The following IKBKG variants were observed in gnomAD, a reference collection of about 807,000 sequenced individuals.
IKBKG encodes the protein inhibitor of nuclear factor kappa B kinase regulatory subunit gamma, also known as NF-kappa-B essential modulator.
A neutral mutation model predicts 13.7 loss-of-function variants in IKBKG; 2 were observed. The observed-to-expected ratio is 0.15, with a 90% confidence interval of 0.06 to 0.46. The LOEUF (loss-of-function observed/expected upper bound fraction) is 0.46, where lower values mean the gene tolerates loss of function less well. IKBKG is among the 20% of genes least tolerant of loss of function. The pLI, the probability that IKBKG is intolerant of heterozygous loss-of-function variation, is 0.98. For missense variants in IKBKG, 53 were observed against 150.3 expected, an observed-to-expected ratio of 0.35 and a Z score of 3.39; for synonymous variants, 22 against 64.4, an observed-to-expected ratio of 0.34 and a Z score of 3.15.
intron 2 of IKBKG, among the ~76,000 whole-genome samples, chrX:154,553,862 C>T (rs1423046784): frequency 8.9e-6 from 1 of 112,734 alleles, no homozygotes; most frequent in African/African-American, 3.2e-5. Context: ...CTGGGGGCTT[C>T]TGCTCATCCC....
Position 154,542,098 on chromosome X carries a change from C to T in IKBKG, c.-186-184C>T, listed in dbSNP as rs1479106325. 1.2e-5 allele frequency: 5 copies of T among 408,067 alleles called. No individual in the cohort carries two copies. The African/African-American group carries it at 1.3e-4, about 11-fold the overall frequency. 33.6% of individuals were successfully genotyped at this position (408,067 alleles called of 1,213,427 possible). ...CTATACCCGGGGGCTCATGAGTCAC[C>T]GGGGCTTTGGGGGAGTGCCAACATC... is the stretch of plus-strand genomic sequence containing the variant. On this transcript the variant is annotated intron_variant, in intron 1 of 10. Coordinates refer to the IKBKG transcript ENST00000422680.
upstream of IKBKG, among the ~76,000 whole-genome samples, chrX:154,544,309 G>A (rs1214795332): frequency 9.1e-6 from 1 of 110,351 alleles, no homozygotes; most frequent in Admixed American, 9.7e-5. Flanking sequence ...CTACAGGCAC[G>A]CACCACCACG....
At chrX:154,544,374 A>C (rs997573425), upstream of IKBKG, among the ~76,000 whole-genome samples, 12 of 109,839 alleles carry the variant, frequency 1.1e-4, no homozygotes, top group South Asian at 3.8e-4. Flanking sequence ...GTTGGCCAGG[A>C]TGGTCTCGAT....
chrX:154,544,839 T>C (rs1215843030), upstream of IKBKG, among the ~76,000 whole-genome samples: 1 of 112,309 alleles, frequency 8.9e-6, no homozygotes, highest in Non-Finnish European at 1.9e-5. Flanking sequence ...TTTGACAAAG[T>C]GTGACAGCGC....
At position 154,552,141 on chromosome X, in the gene IKBKG, G is replaced by A. The variant is rs143999678; in HGVS notation, c.139G>A (p.Ala47Thr). 5.4e-5 allele frequency: 64 copies of A among 1,191,226 alleles called. No homozygotes were observed. The highest frequency in any genetic ancestry group is 4.6e-5 in the Non-Finnish European group (41 of 882,781). ...GCTGCACCTGCCTTCAGAACAGGGC[G>A]CTCCTGAGACCCTCCAGCGCTGCCT... The part of the protein sequence containing the change: ...AMLHLPSEQG[A>T]PETLQRCLEE... Residue 47 changes from alanine (A) to threonine (T), a missense_variant, in exon 2 of 10, where the codon GCT becomes ACT. Physicochemically the swap from Ala to Thr is moderately conservative, Grantham distance 58 (BLOSUM62 0). This residue lies in a region of IKBKG where 47 missense variants were observed against 50.0 expected (regional missense o/e 0.94). Coordinates refer to ENST00000594239, the MANE Select transcript of IKBKG (RefSeq NM_001099857.5).
intron 1 of IKBKG, 114 bp from the exon 2 acceptor site, chrX:154,551,874 C>T (rs2070941636): frequency 1.8e-6 from 1 of 554,208 alleles, no homozygotes; most frequent in Non-Finnish European, 2.7e-6. Flanking sequence ...CATCCTGATA[C>T]ACTAGGTGAA....
Position 154,548,132 on chromosome X carries a change from C to T in IKBKG, c.-16+387C>T, listed in dbSNP as rs111267224. On this transcript the variant is annotated intron_variant, in intron 1 of 9. Transcript: ENST00000594239. Reference sequence around the variant, plus strand: ...CCTGTTTGCTCGTTTTGCAAGACAACATCTGCCTATCGTCATACTGTTTCT... The same window carrying T: ...CCTGTTTGCTCGTTTTGCAAGACAATATCTGCCTATCGTCATACTGTTTCT... 4,505 of 743,894 alleles carry T rather than the reference C, an allele frequency of 6.1e-3. 147 individuals are homozygous for T. In the African/African-American group the frequency reaches 0.095, roughly 16 times the overall value. 61.3% of individuals were successfully genotyped at this position (743,894 alleles called of 1,213,427 possible). A position where few individuals can be genotyped will look rare whatever the true frequency, so the allele number is the denominator to read the frequency against.
upstream of IKBKG, among the ~76,000 whole-genome samples, chrX:154,543,050 A>G (rs1445359776): frequency 1.8e-5 from 2 of 111,839 alleles, no homozygotes; most frequent in African/African-American, 6.5e-5. Flanking sequence ...TACCTCCCGC[A>G]CCGAGTGAGG....
At chrX:154,549,531 T>C (rs1557234556) in intron 1 of IKBKG, among the ~76,000 whole-genome samples, 1 of 107,800 alleles carries the variant, frequency 9.3e-6, no homozygotes, top group African/African-American at 3.4e-5. Context: ...CCACTTGCCA[T>C]GACCTCCCAA....
At chrX:154,541,961 G>A (rs2070520011) in intron 1 of IKBKG, among the ~76,000 whole-genome samples, 2 of 112,283 alleles carry the variant, frequency 1.8e-5, no homozygotes. Context: ...AGACTCCCTG[G>A]GTGGAGCCCT....
At chrX:154,556,102 GC>G in intron 2 of IKBKG, 62 bp from the exon 3 acceptor site, 1 of 654,692 alleles carries the variant, frequency 1.5e-6, no homozygotes, top group Non-Finnish European at 2.4e-6. Flanking sequence ...GCCCATGTGG[GC>G]CCAGGCAGGG....
At chrX:154,548,481 C>T (rs782671869) in intron 1 of IKBKG, among the ~76,000 whole-genome samples, 1 of 112,777 alleles carries the variant, frequency 8.9e-6, no homozygotes, top group Admixed American at 9.4e-5. Context: ...AGTAATCCAG[C>T]TCAGAGACAG....
chrX:154,547,693 G>T lies in IKBKG; in HGVS notation c.-68G>T. The T allele has an allele frequency of 1.3e-6, 1 of 755,150 alleles. No homozygotes were observed. Among genetic ancestry groups the T allele is most frequent in the Non-Finnish European group, 1.6e-6 (1 of 639,526 alleles). 62.2% of individuals were successfully genotyped at this position (755,150 alleles called of 1,213,427 possible). On this transcript the variant is annotated 5_prime_UTR_variant, in exon 1 of 10. Coordinates refer to ENST00000594239, the MANE Select transcript of IKBKG (RefSeq NM_001099857.5). ...CTCGGAGCGCCGGGGCCCTACCAGC[G>T]TTCACAGTCCGCCGCTCCCACCCTT... is the stretch of plus-strand genomic sequence containing the variant.
chrX:154,546,856 G>A (rs2070741582), upstream of IKBKG: 3 of 1,109,452 alleles, frequency 2.7e-6, no homozygotes, highest in Non-Finnish European at 3.5e-6. Flanking sequence ...CGGGGGCTGA[G>A]CCCCGCCGGC....
chrX:154,562,808 A>G lies in IKBKG; in HGVS notation c.769-2A>G. ...CCGTCAGCTCCCCTTGCCCGTCCTT[A>G]GGGAATGCAGCTGGAAGATCTCAAA... On this transcript the variant is annotated splice_acceptor_variant, in intron 6 of 9. Coordinates refer to ENST00000594239, the MANE Select transcript of IKBKG (RefSeq NM_001099857.5). LOFTEE classifies it high-confidence loss of function. 6.6e-6 allele frequency: 2 copies of G among 303,092 alleles called. No homozygotes were observed. The highest frequency in any genetic ancestry group is 1.1e-5 in the Non-Finnish European group (2 of 178,576). 25.0% of individuals were successfully genotyped at this position (303,092 alleles called of 1,213,427 possible).
At chrX:154,546,735 G>A, upstream of IKBKG, 2 of 987,177 alleles carry the variant, frequency 2.0e-6, no homozygotes, top group Non-Finnish European at 1.4e-6. Context: ...GCCGCGCGGC[G>A]CAGCGCGGGA....
intron 1 of IKBKG, among the ~76,000 whole-genome samples, chrX:154,550,879 C>T (rs1041667492): frequency 3.7e-5 from 4 of 109,559 alleles, no homozygotes; most frequent in Non-Finnish European, 7.6e-5. Flanking sequence ...GGCGCGATCC[C>T]GGGTTCACGC....
At chrX:154,552,404 G>C (rs1326702817) in intron 2 of IKBKG, among the ~76,000 whole-genome samples, 12 of 112,077 alleles carry the variant, frequency 1.1e-4, no homozygotes, top group Admixed American at 7.5e-4. Context: ...AAGAAGCCAG[G>C]GAGGGCAGAG....
At chrX:154,546,539 T>C (rs782175962), upstream of IKBKG, among the ~76,000 whole-genome samples, 3 of 111,077 alleles carry the variant, frequency 2.7e-5, no homozygotes, top group Admixed American at 9.4e-5. Context: ...GCATGGGAGA[T>C]GGTGCAGATG....
Sources: gnomAD v4.1 joint callset for allele counts (sites outside exome capture counted in the v4.1 genomes callset) on GRCh38, gnomAD v4.1.1 for gene constraint, gnomAD v4.1.1 regional missense constraint, MANE v1.5 for transcripts, NCBI Gene and HGNC (gene_info 2026-07-23, HGNC 2026-07-21) for gene names.